TMEM200B: variants seen among roughly 807,000 people sequenced by gnomAD.
The protein encoded by TMEM200B is transmembrane protein 200B.
In TMEM200B, 12 loss-of-function variants were observed where a neutral mutation model predicts 17.6. The ratio of observed to expected loss-of-function variants is 0.68; its 90% CI spans 0.44 to 1.11. The LOEUF is 1.11. TMEM200B is among the 50% of genes least tolerant of loss of function. The pLI is 0.00. For synonymous variants in TMEM200B, 234 were observed against 209.2 expected (o/e 1.12, Z -1.02); for missense variants, 456 against 447.6 (o/e 1.02, Z -0.17).
At position 29,121,737 on chromosome 1, in the gene TMEM200B, C is replaced by CGGCGGCGGCCCA. The variant is rs752472220; in HGVS notation, c.80_91dup (p.Leu27_Arg30dup). On this transcript the variant is annotated inframe_insertion, in exon 2 of 2. Transcript: ENST00000521452. This position sits in a 1 kb window ranked among gnomAD's most constrained non-coding sequence, Gnocchi z 5.6. The stretch of plus-strand genomic sequence containing the variant: ...AGGCTCGGGCGGGGAGCGCGGGCGC[C>CGGCGGCGGCCCA]GGCGGCGGCCCAGGCGGCGGCCCAA... 5.9e-5 allele frequency: 71 copies of CGGCGGCGGCCCA among 1,207,524 alleles called. No individual in the cohort carries two copies. Among genetic ancestry groups the CGGCGGCGGCCCA allele is most frequent in the South Asian group, 8.3e-5 (2 of 24,176 alleles). The allele number at this position is 1,207,524 out of a possible 1,614,324, so 74.8% of individuals were successfully genotyped here.
Position 29,121,065 on chromosome 1 carries a change from A to G in TMEM200B, c.764T>C (p.Ile255Thr), listed in dbSNP as rs1011434511. ...CAGATCCAGAGACTTGGAATGTTCA[A>G]TGCAGGAGCCAGACGGCTGCACGGT... The part of the protein sequence containing the change: ...IITVQPSGSC[I>T]EHSKSLDLGL... The change falls in exon 2 of 2, where the codon ATT (isoleucine) becomes ACT (threonine). Residue 255 changes from isoleucine to threonine, a missense_variant. Coordinates refer to ENST00000521452, the MANE Select transcript of TMEM200B (RefSeq NM_001003682.4). The surrounding 1 kb of genome is among the most constrained non-coding windows in gnomAD (Gnocchi z 5.6). 2 of 1,613,694 alleles carry G rather than the reference A, an allele frequency of 1.2e-6. No individual in the cohort carries two copies. The highest frequency in any genetic ancestry group is 1.6e-4 in the Middle Eastern group (1 of 6,084).
chr1:29,121,308 C>A lies in TMEM200B; in HGVS notation c.521G>T (p.Gly174Val). Residue 174 changes from glycine to valine, a missense_variant, in exon 2 of 2, where the codon GGC becomes GTC. By Grantham distance (109) the Gly-to-Val change is moderately radical. Coordinates refer to ENST00000521452, the MANE Select transcript of TMEM200B (RefSeq NM_001003682.4). The surrounding 1 kb of genome is among the most constrained non-coding windows in gnomAD (Gnocchi z 5.6). ...GCCTACGGCTCGGGGACTCCTAGGG[C>A]CGGGGCTGGGAAGGAGGGCGCAGTC... ...GWDCALLPSP[G>V]PRSPRAVGCA... 6.2e-7 allele frequency: 1 copy of A among 1,600,038 alleles called. No individual in the cohort carries two copies. The highest frequency in any genetic ancestry group is 2.3e-5 in the East Asian group (1 of 44,270).
chr1:29,121,521 C>T lies in TMEM200B; in HGVS notation c.308G>A (p.Gly103Asp). ...GTGCGGGCCGTGAGCCCGGCCCCCGCCGCGACCCTCGCGTCGCAGCTCGCT... is the reference window on the plus strand; with the variant it reads ...GTGCGGGCCGTGAGCCCGGCCCCCGTCGCGACCCTCGCGTCGCAGCTCGCT... ...QMSELRREGR[G>D]GGRAHGPHER... Residue 103 changes from glycine to aspartate, a missense_variant, in exon 2 of 2, where the codon GGC (glycine) becomes GAC (aspartate). By Grantham distance (94) the Gly-to-Asp change is moderately conservative. Coordinates refer to ENST00000521452, the MANE Select transcript of TMEM200B (RefSeq NM_001003682.4). This position sits in a 1 kb window ranked among gnomAD's most constrained non-coding sequence, Gnocchi z 5.6. The T allele has an allele frequency of 6.6e-7, 1 of 1,505,046 alleles. No homozygotes were observed. The highest frequency in any genetic ancestry group is 8.8e-7 in the Non-Finnish European group (1 of 1,134,022). The allele number at this position is 1,505,046 out of a possible 1,614,324, so 93.2% of individuals were successfully genotyped here.
rs753791595 is a variant in TMEM200B at position 29,121,108 on chromosome 1, T to G, written c.721A>C (p.Thr241Pro). The stretch of plus-strand genomic sequence containing the variant: ...TGCACGGTGATGATCACATGGCCAG[T>G]CTGCGTCCGTGGACCCCAGGGTGGG... ...LPPPWGPRTQ[T>P]GHVIITVQPS... Residue 241 changes from threonine to proline, a missense_variant, in exon 2 of 2, where the codon ACT becomes CCT. Physicochemically the swap from Thr to Pro is conservative, Grantham distance 38. Coordinates refer to ENST00000521452, the MANE Select transcript of TMEM200B (RefSeq NM_001003682.4). The surrounding 1 kb of genome is among the most constrained non-coding windows in gnomAD (Gnocchi z 5.6). 6.2e-7 allele frequency: 1 copy of G among 1,613,848 alleles called. No homozygotes were observed.
At chr1:29,123,452 C>G (rs1177604692) in intron 1 of TMEM200B, among the ~76,000 whole-genome samples, 1 of 152,278 alleles carries the variant, frequency 6.6e-6, no homozygotes, top group South Asian at 2.1e-4. Flanking sequence ...ACCGGAGGAG[C>G]GATCATCGCT....
At position 29,121,566 on chromosome 1, in the gene TMEM200B, T is replaced by A; in HGVS notation, c.263A>T (p.Asn88Ile). Residue 88 changes from asparagine (N) to isoleucine (I), a missense_variant, in exon 2 of 2, where the codon AAT (asparagine) becomes ATT (isoleucine). Asn to Ile is a moderately radical substitution (Grantham distance 149, BLOSUM62 -3). Coordinates refer to ENST00000521452, the MANE Select transcript of TMEM200B (RefSeq NM_001003682.4). The surrounding 1 kb of genome is among the most constrained non-coding windows in gnomAD (Gnocchi z 5.6). ...CTCGCTCATCTGGGGCGAGCTGGCA[T>A]TGGCGGCCCGGGACCCTGGGGCCCC... Reference protein sequence around the residue: ...RAGAPGSRAANASSPQMSELR... With the variant: ...RAGAPGSRAAIASSPQMSELR... The A allele has an allele frequency of 6.7e-7, 1 of 1,501,316 alleles. No homozygotes were observed. The highest frequency in any genetic ancestry group is 8.8e-7 in the Non-Finnish European group (1 of 1,134,532). The allele number at this position is 1,501,316 out of a possible 1,614,324, so 93.0% of individuals were successfully genotyped here.
rs1369387843 is a variant in TMEM200B at position 29,121,450 on chromosome 1, A to T, written c.379T>A (p.Phe127Ile). The part of the protein sequence containing the change: ...LGPVIMGVGL[F>I]VFICANTLLY... Reference sequence around the variant, plus strand: ...AGTGTGTTGGCGCAGATGAACACGAACAGGCCGACGCCCATGATCACCGGC... The same window carrying T: ...AGTGTGTTGGCGCAGATGAACACGATCAGGCCGACGCCCATGATCACCGGC... Residue 127 changes from phenylalanine to isoleucine, a missense_variant, in exon 2 of 2, where the codon TTC becomes ATC. Coordinates refer to ENST00000521452, the MANE Select transcript of TMEM200B (RefSeq NM_001003682.4). This position sits in a 1 kb window ranked among gnomAD's most constrained non-coding sequence, Gnocchi z 5.6. 1 of 1,534,212 alleles carries T rather than the reference A, an allele frequency of 6.5e-7. No individual in the cohort carries two copies. Among genetic ancestry groups the T allele is most frequent in the Non-Finnish European group, 8.7e-7 (1 of 1,145,978 alleles).
Position 29,121,643 on chromosome 1 carries a change from C to T in TMEM200B, c.186G>A (p.Val62=), listed in dbSNP as rs1314362617. The T allele has an allele frequency of 2.7e-6, 4 of 1,459,314 alleles. No homozygotes were observed. The highest frequency in any genetic ancestry group is 9.0e-7 in the Non-Finnish European group (1 of 1,113,536). The allele number at this position is 1,459,314 out of a possible 1,614,324, so 90.4% of individuals were successfully genotyped here. A position where few individuals can be genotyped will look rare whatever the true frequency, so the allele number is the denominator to read the frequency against. ...CTGCAATGCCCATACCCACCAGTAC[C>T]ACGAGCGCCCCCAGCGCCGCGAACG... ...SGAFAALGAL[V]VLVGMGIAVA... Residue 62 remains valine (V), a synonymous_variant, in exon 2 of 2, where the codon GTG becomes GTA. Coordinates refer to ENST00000521452, the MANE Select transcript of TMEM200B (RefSeq NM_001003682.4). This position sits in a 1 kb window ranked among gnomAD's most constrained non-coding sequence, Gnocchi z 5.6.
rs373309332 is a variant in TMEM200B, at chr1:29,121,169, C to G, written c.660G>C (p.Leu220Phe). Residue 220 changes from leucine to phenylalanine, a missense_variant, in exon 2 of 2, where the codon TTG becomes TTC. By Grantham distance (22) the Leu-to-Phe change is conservative. Transcript: ENST00000521452. This position sits in a 1 kb window ranked among gnomAD's most constrained non-coding sequence, Gnocchi z 5.6. ...GGCCCTTCAGCGGGTAGCTGTTGAG[C>G]AAGGCAGGTAACCCCAAGCGAGGAT... ...PANPRLGLPALLNSYPLKGPG... is the reference protein window; with the variant it reads ...PANPRLGLPAFLNSYPLKGPG... 27 of 1,613,510 alleles carry G rather than the reference C, an allele frequency of 1.7e-5. No individual in the cohort carries two copies. In the African/African-American group the frequency reaches 2.9e-4, roughly 18 times the overall value.
chr1:29,123,825 G>T (rs1198716819), intron 1 of TMEM200B, 31 bp downstream of exon 1: 1 of 152,036 alleles, frequency 6.6e-6, no homozygotes, highest in African/African-American at 2.4e-5. Flanking sequence ...GAAAAGTGGA[G>T]TGCGGACCCC....
In TMEM200B at chr1:29,120,720, TG is replaced by T; in HGVS notation, c.*184del. On this transcript the variant is annotated 3_prime_UTR_variant, in exon 2 of 2. Coordinates refer to ENST00000521452, the MANE Select transcript of TMEM200B (RefSeq NM_001003682.4). ...GCACCCTCTCCAGCTCACTGAGCCC[TG>T]GTGCAGCTGGCATTTCTCTGCCCGC... 1.4e-6 allele frequency: 1 copy of T among 728,492 alleles called. No homozygotes were observed. The highest frequency in any genetic ancestry group is 2.2e-6 in the Non-Finnish European group (1 of 450,112). 45.1% of individuals were successfully genotyped at this position (728,492 alleles called of 1,614,324 possible). A position where few individuals can be genotyped will look rare whatever the true frequency, so the allele number is the denominator to read the frequency against.
At position 29,120,722 on chromosome 1, in the gene TMEM200B, G is replaced by A; in HGVS notation, c.*183C>T. On this transcript the variant is annotated 3_prime_UTR_variant, in exon 2 of 2. Transcript: ENST00000521452. ...ACCCTCTCCAGCTCACTGAGCCCTG[G>A]TGCAGCTGGCATTTCTCTGCCCGCA... 1 of 739,664 alleles carries A rather than the reference G, an allele frequency of 1.4e-6. No individual in the cohort carries two copies. 45.8% of individuals were successfully genotyped at this position (739,664 alleles called of 1,614,324 possible).
In TMEM200B at chr1:29,121,490, C is replaced by T. The variant is rs1558375173; in HGVS notation, c.339G>A (p.Arg113=). The part of the protein sequence containing the change: ...GGGRAHGPHE[R]LRLLGPVIMG... Reference sequence around the variant, plus strand: ...TGATCACCGGCCCGAGGAGCCGCAGCCGCTCGTGCGGGCCGTGAGCCCGGC... The same window carrying T: ...TGATCACCGGCCCGAGGAGCCGCAGTCGCTCGTGCGGGCCGTGAGCCCGGC... The change falls in exon 2 of 2, where the codon CGG becomes CGA. Residue 113 remains arginine, a synonymous_variant. Coordinates refer to ENST00000521452, the MANE Select transcript of TMEM200B (RefSeq NM_001003682.4). The surrounding 1 kb of genome is among the most constrained non-coding windows in gnomAD (Gnocchi z 5.6). The T allele has an allele frequency of 6.6e-7, 1 of 1,526,182 alleles. No individual in the cohort carries two copies. 94.5% of individuals were successfully genotyped at this position (1,526,182 alleles called of 1,614,324 possible). A position where few individuals can be genotyped will look rare whatever the true frequency, so the allele number is the denominator to read the frequency against.
In TMEM200B at chr1:29,120,647, A is replaced by G; in HGVS notation, c.*258T>C. On this transcript the variant is annotated 3_prime_UTR_variant, in exon 2 of 2. Transcript: ENST00000521452. Reference sequence around the variant, plus strand: ...CTGTTAGGGCTAAGGCCACTTACAGAGGCTGAAGAAATTCCTGAGGCGAGT... The same window carrying G: ...CTGTTAGGGCTAAGGCCACTTACAGGGGCTGAAGAAATTCCTGAGGCGAGT... 1 of 500,666 alleles carries G rather than the reference A, an allele frequency of 2.0e-6. No individual in the cohort carries two copies. The highest frequency in any genetic ancestry group is 4.0e-5 in the South Asian group (1 of 24,782). The allele number at this position is 500,666 out of a possible 1,614,324, so 31.0% of individuals were successfully genotyped here.
chr1:29,120,710 C>T lies in TMEM200B; in HGVS notation c.*195G>A. 1 of 683,750 alleles carries T rather than the reference C, an allele frequency of 1.5e-6. No individual in the cohort carries two copies. Among genetic ancestry groups the T allele is most frequent in the Admixed American group, 3.0e-5 (1 of 33,706 alleles). 42.4% of individuals were successfully genotyped at this position (683,750 alleles called of 1,614,324 possible). ...ACAGTGAAACGCACCCTCTCCAGCT[C>T]ACTGAGCCCTGGTGCAGCTGGCATT... is the stretch of plus-strand genomic sequence containing the variant. On this transcript the variant is annotated 3_prime_UTR_variant, in exon 2 of 2. Transcript: ENST00000521452.
rs1671518962 is a variant in TMEM200B at position 29,119,463 on chromosome 1, T to C, written c.*1442A>G. ...TGCAATTTTATTTTAATTTGAGAAA[T>C]AAAGATTTCCTCCAAGCCACATGAG... On this transcript the variant is annotated 3_prime_UTR_variant, in exon 2 of 2. Transcript: ENST00000521452. 1 of 152,428 alleles carries C rather than the reference T, an allele frequency of 6.6e-6. No homozygotes were observed. Among genetic ancestry groups the C allele is most frequent in the South Asian group, 2.1e-4 (1 of 4,834 alleles). The allele number at this position is 152,428 out of a possible 1,614,324, so 9.4% of individuals were successfully genotyped here. A position where few individuals can be genotyped will look rare whatever the true frequency, so the allele number is the denominator to read the frequency against.
rs1022872861 is a variant in TMEM200B, at chr1:29,121,068, C to G, written c.761G>C (p.Cys254Ser). 1.9e-6 allele frequency: 3 copies of G among 1,613,738 alleles called. No individual in the cohort carries two copies. The highest frequency in any genetic ancestry group is 2.5e-6 in the Non-Finnish European group (3 of 1,180,040). Residue 254 changes from cysteine (C) to serine (S), a missense_variant, in exon 2 of 2, where the codon TGC becomes TCC. Cys to Ser is a moderately radical substitution (Grantham distance 112). Transcript: ENST00000521452. This position sits in a 1 kb window ranked among gnomAD's most constrained non-coding sequence, Gnocchi z 5.6. ...ATCCAGAGACTTGGAATGTTCAATG[C>G]AGGAGCCAGACGGCTGCACGGTGAT... Reference protein sequence around the residue: ...VIITVQPSGSCIEHSKSLDLG... With the variant: ...VIITVQPSGSSIEHSKSLDLG...
At chr1:29,123,229 G>T (rs536949813) in intron 1 of TMEM200B, among the ~76,000 whole-genome samples, 1 of 152,334 alleles carries the variant, frequency 6.6e-6, no homozygotes. Flanking sequence ...ACTCTCCCGC[G>T]TCCAAAGCCT....
At position 29,121,896 on chromosome 1, in the gene TMEM200B, CTTCAGGGCGCCAGG is replaced by C. The variant is rs1250546259; in HGVS notation, c.-20-62_-20-49del. 8.5e-7 allele frequency: 1 copy of C among 1,178,880 alleles called. No homozygotes were observed. Among genetic ancestry groups the C allele is most frequent in the Non-Finnish European group, 1.1e-6 (1 of 947,012 alleles). 73.0% of individuals were successfully genotyped at this position (1,178,880 alleles called of 1,614,324 possible). A position where few individuals can be genotyped will look rare whatever the true frequency, so the allele number is the denominator to read the frequency against. ...AAGGACTGGACCGACGGGCCTCTAG[CTTCAGGGCGCCAGG>C]TTCGGGGCGCAAATCCGGGAGGGAA... On this transcript the variant is annotated intron_variant, in intron 1 of 1. Transcript: ENST00000521452. The surrounding 1 kb of genome is among the most constrained non-coding windows in gnomAD (Gnocchi z 5.6).
Sources: allele counts gnomAD v4.1 joint callset (sites outside exome capture counted in the v4.1 genomes callset), GRCh38; gene constraint gnomAD v4.1.1; non-coding constraint Gnocchi (gnomAD v3.1); transcripts MANE v1.5; gene names NCBI Gene and HGNC (gene_info 2026-07-23, HGNC 2026-07-21).